Variants in DEDD2 observed in about 807,000 individuals in gnomAD.
The protein encoded by DEDD2 is DNA-binding death effector domain-containing protein 2.
DEDD2 carries 18 observed loss-of-function variants against 28.9 expected under a neutral mutation model. That is an observed-to-expected ratio of 0.62 (90% CI 0.43 to 0.92). The LOEUF (loss-of-function observed/expected upper bound fraction) is 0.92, where lower values mean the gene tolerates loss of function less well. Ranked by LOEUF, DEDD2 falls within the 40% of genes least tolerant of loss-of-function variation. DEDD2 has a pLI of 0.00. For missense variants in DEDD2, 411 were observed against 463.3 expected (o/e 0.89, Z 1.04); for synonymous variants, 211 against 206.1 (o/e 1.02, Z -0.20).
chr19:42,209,865 T>C (rs764078040), intron 3 of DEDD2, 25 bp from the exon 4 acceptor site: 73 of 1,504,538 alleles, frequency 4.9e-5, no homozygotes, highest in Non-Finnish European at 6.2e-5. Context: ...ATGGGGCAAG[T>C]TGAGGACCAG....
chr19:42,206,818 G>A (rs1335346169), intron 4 of DEDD2, among the ~76,000 whole-genome samples: 1 of 152,168 alleles, frequency 6.6e-6, no homozygotes, highest in East Asian at 1.9e-4. Context: ...CTCTTCTTCA[G>A]TCAGGCCTCC....
chr19:42,213,472 C>A (rs949880189), intron 3 of DEDD2, among the ~76,000 whole-genome samples: 2 of 152,102 alleles, frequency 1.3e-5, no homozygotes, highest in East Asian at 3.8e-4. Context: ...GGCAGATATC[C>A]CCTTAACCAA....
chr19:42,218,101 C>G (rs984371758), upstream of DEDD2, among the ~76,000 whole-genome samples: 1 of 152,124 alleles, frequency 6.6e-6, no homozygotes, highest in Non-Finnish European at 1.5e-5. Flanking sequence ...TTTCCCGTCT[C>G]CCAGTAAACT....
chr19:42,207,484 C>G (rs1022822634), intron 4 of DEDD2, among the ~76,000 whole-genome samples: 1 of 152,180 alleles, frequency 6.6e-6, no homozygotes, highest in African/African-American at 2.4e-5. Context: ...TTCCACTCCC[C>G]CCAGGGGCCT....
At chr19:42,214,907 G>C (rs150335681) in intron 3 of DEDD2, among the ~76,000 whole-genome samples, 1 of 152,196 alleles carries the variant, frequency 6.6e-6, no homozygotes, top group Non-Finnish European at 1.5e-5. Context: ...CAGGTGCAGA[G>C]TAATACCCAC....
At chr19:42,215,618 C>T (rs1313020869) in intron 2 of DEDD2, among the ~76,000 whole-genome samples, 1 of 152,198 alleles carries the variant, frequency 6.6e-6, no homozygotes, top group Non-Finnish European at 1.5e-5. Context: ...GCGTGATCTT[C>T]AGACATAGAT....
intron 3 of DEDD2, 148 bp from the exon 4 acceptor site, chr19:42,209,988 G>C (rs1203628104): frequency 8.8e-7 from 1 of 1,136,506 alleles, no homozygotes. Context: ...CTGTCTAAAA[G>C]ATGAAGAGTA....
At chr19:42,203,630 A>T (rs1428821900) in intron 4 of DEDD2, among the ~76,000 whole-genome samples, 3 of 152,190 alleles carry the variant, frequency 2.0e-5, no homozygotes, top group Non-Finnish European at 2.9e-5. Context: ...GTGTAAAACA[A>T]GGCTCCCCCT....
intron 3 of DEDD2, among the ~76,000 whole-genome samples, chr19:42,214,402 G>C (rs552481244): frequency 6.6e-6 from 1 of 152,126 alleles, no homozygotes; most frequent in Non-Finnish European, 1.5e-5. Context: ...AGGTTGCAGT[G>C]AGCCGAGATT....
intron 4 of DEDD2, among the ~76,000 whole-genome samples, chr19:42,200,364 ATAG>A (rs1389336443): frequency 6.6e-6 from 1 of 152,262 alleles, no homozygotes; most frequent in Non-Finnish European, 1.5e-5. Context: ...ACTGTGGCAC[ATAG>A]TAGGTGTTCA....
intron 3 of DEDD2, among the ~76,000 whole-genome samples, chr19:42,210,156 C>T (rs2146885549): frequency 6.6e-6 from 1 of 152,156 alleles, no homozygotes; most frequent in Non-Finnish European, 1.5e-5. Flanking sequence ...TGATGAAAAC[C>T]TGAGAACAAC....
chr19:42,201,841 A>C, intron 4 of DEDD2: 1 of 395,860 alleles, frequency 2.5e-6, no homozygotes, highest in Admixed American at 4.4e-5. Context: ...CAGATCCTTG[A>C]CTGCATCCTT....
intron 4 of DEDD2, among the ~76,000 whole-genome samples, chr19:42,200,074 C>A (rs1219600183): frequency 6.6e-6 from 1 of 152,186 alleles, no homozygotes; most frequent in Non-Finnish European, 1.5e-5. Context: ...TTCCCTGGAT[C>A]TGCACAACAC....
intron 2 of DEDD2, 41 bp downstream of exon 2, chr19:42,216,639 T>C: frequency 1.7e-5 from 26 of 1,503,164 alleles, no homozygotes; most frequent in Non-Finnish European, 2.3e-5. Context: ...AGCCAGGCCC[T>C]TTCCTCCCAG....
intron 4 of DEDD2, 138 bp downstream of exon 4, chr19:42,209,562 A>G: frequency 1.6e-6 from 2 of 1,278,834 alleles, no homozygotes; most frequent in Non-Finnish European, 2.1e-6. Flanking sequence ...AGAAAGGACA[A>G]GAATTCCACT....
intron 3 of DEDD2, among the ~76,000 whole-genome samples, chr19:42,212,933 T>C (rs2035826469): frequency 6.6e-6 from 1 of 152,162 alleles, no homozygotes; most frequent in Admixed American, 6.5e-5. Context: ...ACAGAAACTT[T>C]TTGAAAAGTC....
intron 4 of DEDD2, among the ~76,000 whole-genome samples, chr19:42,209,055 T>C (rs1330039413): frequency 3.3e-5 from 5 of 152,012 alleles, no homozygotes; most frequent in Non-Finnish European, 7.4e-5. Flanking sequence ...CTGGCCAACA[T>C]AGTGAAACCC....
chr19:42,209,896 G>C, intron 3 of DEDD2, 56 bp from the exon 4 acceptor site: 1 of 1,471,510 alleles, frequency 6.8e-7, no homozygotes, highest in Non-Finnish European at 9.0e-7. Context: ...AGAGTGCCCA[G>C]GTGTATGCCT....
intron 4 of DEDD2, 41 bp downstream of exon 4, chr19:42,209,659 G>T: frequency 6.3e-7 from 1 of 1,576,274 alleles, no homozygotes; most frequent in Non-Finnish European, 8.6e-7. Context: ...GAACCCACCC[G>T]GGGCACTCTA....
Sources: gnomAD v4.1 joint callset for allele counts (sites outside exome capture counted in the v4.1 genomes callset) on GRCh38, gnomAD v4.1.1 for gene constraint, MANE v1.5 for transcripts, NCBI Gene and HGNC (gene_info 2026-07-23, HGNC 2026-07-21) for gene names.